The following GFRA2 variants were observed in gnomAD, a reference collection of about 807,000 sequenced individuals.
The protein encoded by GFRA2 is GDNF family receptor alpha-2.
GFRA2 carries 17 observed loss-of-function variants against 48.3 expected under a neutral mutation model. The ratio of observed to expected loss-of-function variants is 0.35; its 90% CI spans 0.24 to 0.53. The LOEUF (loss-of-function observed/expected upper bound fraction) is 0.53, where lower values mean the gene tolerates loss of function less well. Ranked by LOEUF, GFRA2 falls within the 20% of genes least tolerant of loss-of-function variation. The probability of loss-of-function intolerance (pLI) is 0.93; values close to 1 mark genes in which losing one functional copy is unlikely to be tolerated. For missense variants in GFRA2, 660 were observed against 637.3 expected (o/e 1.04, Z -0.38); for synonymous variants, 305 against 257.2 (o/e 1.19, Z -1.78).
intron 3 of GFRA2, among the ~76,000 whole-genome samples, chr8:21,768,088 C>T (rs1806268576): frequency 6.6e-6 from 1 of 152,190 alleles, no homozygotes; most frequent in Non-Finnish European, 1.5e-5. Flanking sequence ...ACTGGGTCAC[C>T]TCTCTCCACC....
chr8:21,812,293 T>C (rs1807996334), exon 1 of GFRA2: 1 of 152,270 alleles, frequency 6.6e-6, no homozygotes, highest in Non-Finnish European at 1.5e-5. Context: ...GATGGCGCAT[T>C]GTCCCGTTCC....
Position 21,788,444 on chromosome 8 carries a change from C to A in GFRA2, c.-285G>T. The A allele has an allele frequency of 8.3e-7, 1 of 1,203,388 alleles. No individual in the cohort carries two copies. Among genetic ancestry groups the A allele is most frequent in the Non-Finnish European group, 1.0e-6 (1 of 968,942 alleles). 74.5% of individuals were successfully genotyped at this position (1,203,388 alleles called of 1,614,324 possible). A position where few individuals can be genotyped will look rare whatever the true frequency, so the allele number is the denominator to read the frequency against. On this transcript the variant is annotated 5_prime_UTR_variant, in exon 1 of 9. Coordinates refer to ENST00000524240, the MANE Select transcript of GFRA2 (RefSeq NM_001495.5). ...TGTATCGGCTTTCTAAGCCAACAGCCCAGTCCTGGGGTCAGCCCTCCCCTC... is the reference window on the plus strand; with the variant it reads ...TGTATCGGCTTTCTAAGCCAACAGCACAGTCCTGGGGTCAGCCCTCCCCTC...
At chr8:21,721,721 G>A (rs1449380224) in intron 4 of GFRA2, among the ~76,000 whole-genome samples, 1 of 152,206 alleles carries the variant, frequency 6.6e-6, no homozygotes, top group Non-Finnish European at 1.5e-5. Flanking sequence ...ATCCTCTTCA[G>A]CTTTCAGCAC....
chr8:21,760,687 CA>C (rs1461024087), intron 3 of GFRA2, among the ~76,000 whole-genome samples: 15 of 152,248 alleles, frequency 9.9e-5, no homozygotes, highest in African/African-American at 3.6e-4. Context: ...GCTAAAGACA[CA>C]AAACTTGGCA....
intron 4 of GFRA2, among the ~76,000 whole-genome samples, chr8:21,738,025 G>A (rs951246322): frequency 2.1e-4 from 32 of 151,904 alleles, no homozygotes; most frequent in African/African-American, 3.1e-4. Flanking sequence ...TCCCAAACTC[G>A]CAGACACACA....
chr8:21,788,422 A>G lies in GFRA2; in HGVS notation c.-263T>C. ...CAATCAAATATACGCGTATCTGTGT[A>G]TCGGCTTTCTAAGCCAACAGCCCAG... On this transcript the variant is annotated 5_prime_UTR_variant, in exon 1 of 9. Coordinates refer to ENST00000524240, the MANE Select transcript of GFRA2 (RefSeq NM_001495.5). 7.2e-6 allele frequency: 9 copies of G among 1,255,578 alleles called. No homozygotes were observed. The highest frequency in any genetic ancestry group is 9.0e-6 in the Non-Finnish European group (9 of 1,000,512). The allele number at this position is 1,255,578 out of a possible 1,614,324, so 77.8% of individuals were successfully genotyped here.
intron 3 of GFRA2, among the ~76,000 whole-genome samples, chr8:21,759,961 G>C (rs1585309165): frequency 1.3e-5 from 2 of 151,738 alleles, no homozygotes; most frequent in Non-Finnish European, 2.9e-5. Flanking sequence ...TCAAGTTGAG[G>C]TAGAATGACT....
intron 4 of GFRA2, among the ~76,000 whole-genome samples, chr8:21,731,686 T>C (rs1645788316): frequency 1.3e-5 from 2 of 152,042 alleles, no homozygotes; most frequent in South Asian, 2.1e-4. Flanking sequence ...ACGCGTTCAA[T>C]TATCTGGTTT....
chr8:21,778,392 C>G (rs1397695437), intron 2 of GFRA2, among the ~76,000 whole-genome samples: 1 of 152,112 alleles, frequency 6.6e-6, no homozygotes, highest in Non-Finnish European at 1.5e-5. Context: ...AGGTAGAATT[C>G]CCCTACAGAG....
chr8:21,782,776 G>A lies in GFRA2; in HGVS notation c.164C>T (p.Ser55Phe). Residue 55 changes from serine to phenylalanine, a missense_variant, in exon 2 of 9, where the codon TCT (serine) becomes TTT (phenylalanine). Physicochemically the swap from Ser to Phe is radical, Grantham distance 155. Transcript: ENST00000524240. ...GCACTGCCGCAGAGTGCGGTAGCGA[G>A]AGCTGCAGTTGGATTCGGCGGCACA... ...ELCAAESNCS[S>F]RYRTLRQCLA... The A allele has an allele frequency of 3.1e-6, 5 of 1,591,634 alleles. No homozygotes were observed. Among genetic ancestry groups the A allele is most frequent in the Non-Finnish European group, 3.4e-6 (4 of 1,171,640 alleles).
intron 2 of GFRA2, chr8:21,797,565 A>G (rs1209136604): frequency 6.6e-6 from 1 of 152,142 alleles, no homozygotes; most frequent in Non-Finnish European, 1.5e-5. Flanking sequence ...CTATGTTTAC[A>G]TCATCTCCAC....
rs1268508521 is a variant in GFRA2, at chr8:21,788,614, T to C, written c.-455A>G. ...GGAGGGGGTCGGAATAAAATGCAAATAGAAAAGAAATCCACAGACGGGTGT... is the reference window on the plus strand; with the variant it reads ...GGAGGGGGTCGGAATAAAATGCAAACAGAAAAGAAATCCACAGACGGGTGT... On this transcript the variant is annotated 5_prime_UTR_variant, in exon 1 of 9. Coordinates refer to ENST00000524240, the MANE Select transcript of GFRA2 (RefSeq NM_001495.5). 11 of 989,128 alleles carry C rather than the reference T, an allele frequency of 1.1e-5. No homozygotes were observed. Among genetic ancestry groups the C allele is most frequent in the Non-Finnish European group, 1.1e-5 (9 of 832,782 alleles). The allele number at this position is 989,128 out of a possible 1,614,324, so 61.3% of individuals were successfully genotyped here. A position where few individuals can be genotyped will look rare whatever the true frequency, so the allele number is the denominator to read the frequency against.
chr8:21,800,826 T>C (rs1807757131), intron 2 of GFRA2, among the ~76,000 whole-genome samples: 1 of 150,636 alleles, frequency 6.6e-6, no homozygotes, highest in Non-Finnish European at 1.5e-5. Context: ...CTTGGGAGGC[T>C]GAAGCAAGAG....
chr8:21,790,109 A>G, upstream of GFRA2: 3 of 985,078 alleles, frequency 3.0e-6, no homozygotes, highest in Non-Finnish European at 3.6e-6. Context: ...AAACGCCCAG[A>G]AGGACCTAAA....
chr8:21,711,495 C>T (rs893765210), intron 4 of GFRA2, among the ~76,000 whole-genome samples: 11 of 152,038 alleles, frequency 7.2e-5, no homozygotes, highest in Non-Finnish European at 1.6e-4. Context: ...GCAGCTGTAG[C>T]CTGTTCAGTT....
At chr8:21,693,506 C>A (rs1585214947) in intron 8 of GFRA2, 106 bp from the exon 9 acceptor site, 1 of 1,035,416 alleles carries the variant, frequency 9.7e-7, no homozygotes, top group Non-Finnish European at 1.4e-6. Flanking sequence ...AACTGGACAC[C>A]TCAAGCCCCT....
At chr8:21,783,644 A>G (rs1807123898) in intron 1 of GFRA2, among the ~76,000 whole-genome samples, 1 of 148,920 alleles carries the variant, frequency 6.7e-6, no homozygotes, top group South Asian at 2.2e-4. Context: ...TCACCCCTCC[A>G]CACCTTCTAG....
At chr8:21,793,078 A>G (rs1434886537), upstream of GFRA2, among the ~76,000 whole-genome samples, 5 of 151,946 alleles carry the variant, frequency 3.3e-5, no homozygotes, top group African/African-American at 1.2e-4. Flanking sequence ...AAAAAAAAAG[A>G]GAAAGTTCTC....
chr8:21,785,487 C>T (rs1421478473), intron 1 of GFRA2, among the ~76,000 whole-genome samples: 1 of 152,200 alleles, frequency 6.6e-6, no homozygotes, highest in Non-Finnish European at 1.5e-5. Context: ...CAGGGGGTGT[C>T]CTGGTGATGT....
Sources: gnomAD v4.1 joint callset for allele counts (sites outside exome capture counted in the v4.1 genomes callset) on GRCh38, gnomAD v4.1.1 for gene constraint, MANE v1.5 for transcripts, NCBI Gene and HGNC (gene_info 2026-07-23, HGNC 2026-07-21) for gene names.